Variants in MAST2 observed in about 807,000 individuals in gnomAD.
The protein encoded by MAST2 is microtubule-associated serine/threonine-protein kinase 2.
A neutral mutation model predicts 147.4 loss-of-function variants in MAST2; 70 were observed. That is an observed-to-expected ratio of 0.47 (90% confidence interval 0.39 to 0.58). MAST2 has a LOEUF of 0.58. Ranked by LOEUF, MAST2 falls within the 20% of genes least tolerant of loss-of-function variation. The pLI is 0.00. For missense variants in MAST2, 2,080 were observed against 2,302.3 expected (o/e 0.90, Z 1.98); for synonymous variants, 869 against 896.8 (o/e 0.97, Z 0.55).
intron 3 of MAST2, among the ~76,000 whole-genome samples, chr1:45,875,544 T>G (rs761345204): frequency 1.3e-5 from 2 of 152,198 alleles, no homozygotes; most frequent in African/African-American, 2.4e-5. Flanking sequence ...TACATTGATA[T>G]AACATTAATC....
chr1:45,885,765 G>A (rs1470388500), intron 4 of MAST2, among the ~76,000 whole-genome samples: 2 of 152,072 alleles, frequency 1.3e-5, no homozygotes, highest in Non-Finnish European at 2.9e-5. Context: ...TTAGGTGTAG[G>A]CACTATTCTA....
At chr1:46,025,269 A>T (rs1013515387) in intron 15 of MAST2, among the ~76,000 whole-genome samples, 1 of 152,212 alleles carries the variant, frequency 6.6e-6, no homozygotes, top group Admixed American at 6.5e-5. Context: ...CGGTGAGCTG[A>T]TATCACACCA....
chr1:46,030,143 T>C lies in MAST2; in HGVS notation c.2458T>C (p.Tyr820His). The change falls in exon 21 of 29, where the codon TAC becomes CAC. Residue 820 changes from tyrosine to histidine, a missense_variant. By Grantham distance (83) the Tyr-to-His change is moderately conservative. Around this residue, in one of 4 missense-constraint regions of MAST2, gnomAD observed 1,278 missense variants for 1,304.2 expected, o/e 0.98. Coordinates refer to ENST00000361297, the MANE Select transcript of MAST2 (RefSeq NM_015112.3). ...GTCTGGCCCAGCCCGCTCAGAGCGA[T>C]ACCACCACATGGACTCGGAGGATGA... ...TSYFDTRSER[Y>H]HHMDSEDEEE... The C allele has an allele frequency of 6.2e-7, 1 of 1,614,232 alleles. No homozygotes were observed. Among genetic ancestry groups the C allele is most frequent in the Middle Eastern group, 1.6e-4 (1 of 6,062 alleles).
intron 5 of MAST2, among the ~76,000 whole-genome samples, chr1:45,969,897 G>C (rs1331529386): frequency 6.6e-6 from 1 of 152,062 alleles, no homozygotes; most frequent in Non-Finnish European, 1.5e-5. Flanking sequence ...CTATAGTCTT[G>C]TGACTAGGTC....
intron 3 of MAST2, among the ~76,000 whole-genome samples, chr1:45,863,415 C>G (rs1276536826): frequency 6.6e-6 from 1 of 152,138 alleles, no homozygotes. Context: ...TTCAAAGCAG[C>G]AGATGGGAGA....
chr1:46,024,414 A>T (rs886660329), intron 15 of MAST2: 6 of 221,308 alleles, frequency 2.7e-5, no homozygotes, highest in Middle Eastern at 3.4e-3. Context: ...ATGCTCTGAG[A>T]ATAGAACAGA....
chr1:45,990,376 T>A (rs567600419), intron 5 of MAST2, among the ~76,000 whole-genome samples: 1 of 152,252 alleles, frequency 6.6e-6, no homozygotes, highest in Admixed American at 6.5e-5. Flanking sequence ...TGCTCATTTT[T>A]AAAATTGGGT....
chr1:45,913,449 CT>C (rs1196094747), intron 4 of MAST2: 1 of 266,758 alleles, frequency 3.7e-6, no homozygotes, highest in Non-Finnish European at 5.8e-6. Flanking sequence ...GCCGCCAGGC[CT>C]CAGGGTTGGA....
intron 1 of MAST2, among the ~76,000 whole-genome samples, chr1:45,822,357 CTT>C: frequency 6.6e-6 from 1 of 151,344 alleles, no homozygotes; most frequent in Non-Finnish European, 1.5e-5. Context: ...TTTATATTTC[CTT>C]TCCTTTGCCA....
rs558132253 is a variant in MAST2 at position 45,908,192 on chromosome 1, T to G, written c.500+25797T>G. On this transcript the variant is annotated intron_variant, in intron 4 of 28. Transcript: ENST00000361297. ...ATTTTGAATTTAATTTACTTTTAAG[T>G]TTTTTTAAATTGTTTTTTATTATAC... 1.7e-3 allele frequency among the ~76,000 whole-genome samples: 266 copies of G among 152,258 alleles called. 1 individual carries two copies. The highest frequency in any genetic ancestry group is 2.8e-3 in the Non-Finnish European group (190 of 68,020).
chr1:45,893,599 TAAA>T (rs35793282), intron 4 of MAST2, among the ~76,000 whole-genome samples: 1 of 143,506 alleles, frequency 7.0e-6, no homozygotes, highest in African/African-American at 2.6e-5. Context: ...TAGGATATTT[TAAA>T]AAAAAAAAAA....
At chr1:46,014,880 C>A (rs1019487111) in intron 10 of MAST2, among the ~76,000 whole-genome samples, 2 of 152,178 alleles carry the variant, frequency 1.3e-5, no homozygotes, top group African/African-American at 4.8e-5. Flanking sequence ...ACATTTTTTT[C>A]AGCACCGCAT....
intron 10 of MAST2, among the ~76,000 whole-genome samples, chr1:46,015,002 G>A (rs533066991): frequency 1.3e-5 from 2 of 151,790 alleles, no homozygotes; most frequent in East Asian, 3.9e-4. Context: ...AATCAAACTA[G>A]AACTCAGGAT....
rs1393198289 is a variant in MAST2, at chr1:45,931,381, T to TG, written c.501-28005_501-28004insG. Among the ~76,000 whole-genome samples the TG allele has an allele frequency of 1.6e-3, 235 of 146,576 alleles. 1 individual carries two copies. The highest frequency in any genetic ancestry group is 7.0e-3 in the Middle Eastern group (2 of 284). ...AAAAAGGTGGTATTGTGTTCTGTTTTTTTTTTTTTTTTTTTTTTGAGATAG... is the reference window on the plus strand; with the variant it reads ...AAAAAGGTGGTATTGTGTTCTGTTTTGTTTTTTTTTTTTTTTTTTGAGATAG... On this transcript the variant is annotated intron_variant, in intron 4 of 28. Transcript: ENST00000361297.
intron 16 of MAST2, among the ~76,000 whole-genome samples, 185 bp from the exon 17 acceptor site, chr1:46,027,546 G>GC (rs1336613494): frequency 1.5e-4 from 23 of 152,318 alleles, no homozygotes; most frequent in Admixed American, 3.3e-4. Flanking sequence ...TGTGCAGAAT[G>GC]CAGCACTCAC....
intron 1 of MAST2, among the ~76,000 whole-genome samples, chr1:45,809,733 G>A (rs1341306394): frequency 1.3e-5 from 2 of 152,186 alleles, no homozygotes; most frequent in Non-Finnish European, 1.5e-5. Flanking sequence ...GATCCTAGGA[G>A]GATCCTTAAT....
chr1:45,907,713 G>A (rs1651001852), intron 4 of MAST2, among the ~76,000 whole-genome samples: 1 of 152,122 alleles, frequency 6.6e-6, no homozygotes, highest in Admixed American at 6.6e-5. Flanking sequence ...CCATTAAGCA[G>A]TAACACCCTT....
chr1:45,977,197 TGAA>T (rs1304309067), intron 5 of MAST2, among the ~76,000 whole-genome samples: 1 of 152,190 alleles, frequency 6.6e-6, no homozygotes, highest in Non-Finnish European at 1.5e-5. Context: ...ACATTTAAAA[TGAA>T]GAATTTCACC....
At chr1:46,003,624 C>T (rs1048687535) in intron 7 of MAST2, among the ~76,000 whole-genome samples, 1 of 152,046 alleles carries the variant, frequency 6.6e-6, no homozygotes, top group African/African-American at 2.4e-5. Context: ...GGCATGCCAC[C>T]ACCCTGTAGC....
Sources: gnomAD v4.1 joint callset for allele counts (sites outside exome capture counted in the v4.1 genomes callset) on GRCh38, gnomAD v4.1.1 for gene constraint, gnomAD v4.1.1 regional missense constraint, MANE v1.5 for transcripts, NCBI Gene and HGNC (gene_info 2026-07-23, HGNC 2026-07-21) for gene names.